ARHGEF28: variants seen among roughly 807,000 people sequenced by gnomAD.
The protein encoded by ARHGEF28 is 190 kDa guanine nucleotide exchange factor.
ARHGEF28 carries 152 observed loss-of-function variants against 206.6 expected under a neutral mutation model. The ratio of observed to expected loss-of-function variants is 0.74; its 90% CI spans 0.64 to 0.84. The LOEUF is 0.84. Ranked by LOEUF, ARHGEF28 falls within the 40% of genes least tolerant of loss-of-function variation. The pLI, the probability that ARHGEF28 is intolerant of heterozygous loss-of-function variation, is 0.00. For synonymous variants in ARHGEF28, 763 were observed against 776.4 expected, an observed-to-expected ratio of 0.98 and a Z score of 0.29; for missense variants, 2,028 against 2,073.2, an observed-to-expected ratio of 0.98 and a Z score of 0.42.
At chr5:73,918,819 G>A (rs1482542689) in intron 35 of ARHGEF28, among the ~76,000 whole-genome samples, 1 of 152,162 alleles carries the variant, frequency 6.6e-6, no homozygotes, top group Non-Finnish European at 1.5e-5. Context: ...CTATGCATCA[G>A]AGTTTGCTGT....
chr5:73,848,909 G>T lies in ARHGEF28; in HGVS notation c.1636-67G>T, dbSNP rs137977421. 39 of 1,122,236 alleles carry T rather than the reference G, an allele frequency of 3.5e-5. No individual in the cohort carries two copies. In the Middle Eastern group the frequency reaches 6.0e-4, roughly 17 times the overall value. 69.5% of individuals were successfully genotyped at this position (1,122,236 alleles called of 1,614,324 possible). On this transcript the variant is annotated intron_variant, in intron 12 of 35. Transcript: ENST00000513042. ...CAAAGGTGCAAATTTAGTAACATTT[G>T]AGGTGGTGAATATATATTTTCAGAC...
intron 21 of ARHGEF28, 82 bp downstream of exon 21, chr5:73,870,291 G>A: frequency 6.9e-7 from 1 of 1,442,742 alleles, no homozygotes; most frequent in Non-Finnish European, 9.2e-7. Context: ...GTGCAGAGTT[G>A]GGTAAAATCC....
intron 1 of ARHGEF28, among the ~76,000 whole-genome samples, chr5:73,675,819 G>A (rs1746631617): frequency 6.6e-6 from 1 of 151,118 alleles, no homozygotes; most frequent in African/African-American, 2.4e-5. Context: ...ATAGGATCAT[G>A]GTTAGTGGTA....
At chr5:73,861,219 A>G (rs1475108539) in intron 16 of ARHGEF28, among the ~76,000 whole-genome samples, 1 of 152,210 alleles carries the variant, frequency 6.6e-6, no homozygotes. Context: ...GCCAGGGCTC[A>G]CTGAAAGGGA....
At chr5:73,859,390 G>A (rs1759249978) in intron 16 of ARHGEF28, among the ~76,000 whole-genome samples, 1 of 152,210 alleles carries the variant, frequency 6.6e-6, no homozygotes, top group African/African-American at 2.4e-5. Flanking sequence ...GAACAGAGGA[G>A]CAGGGGAAGT....
At chr5:73,811,745 G>A (rs1045792338) in intron 9 of ARHGEF28, among the ~76,000 whole-genome samples, 1 of 152,186 alleles carries the variant, frequency 6.6e-6, no homozygotes, top group African/African-American at 2.4e-5. Flanking sequence ...CACTTTGGGA[G>A]GCCAAGGTGG....
chr5:73,635,163 G>C (rs1482993301), intron 1 of ARHGEF28, among the ~76,000 whole-genome samples: 1 of 152,122 alleles, frequency 6.6e-6, no homozygotes, highest in Non-Finnish European at 1.5e-5. Context: ...GACCAACATG[G>C]ATAAACCCCG....
chr5:73,928,427 A>G (rs967387881), intron 35 of ARHGEF28, among the ~76,000 whole-genome samples: 5 of 152,186 alleles, frequency 3.3e-5, no homozygotes, highest in African/African-American at 7.2e-5. Context: ...AAAAACAACA[A>G]CAGCAAAAAA....
chr5:73,654,747 A>T (rs1407468866), intron 1 of ARHGEF28, among the ~76,000 whole-genome samples: 1 of 152,152 alleles, frequency 6.6e-6, no homozygotes, highest in African/African-American at 2.4e-5. Context: ...CCAGATACAG[A>T]TTCATCATGG....
intron 26 of ARHGEF28, among the ~76,000 whole-genome samples, chr5:73,890,781 A>C (rs1338909248): frequency 1.3e-5 from 2 of 152,220 alleles, no homozygotes; most frequent in African/African-American, 4.8e-5. Flanking sequence ...AAAACCACAC[A>C]CTGCAACCAG....
chr5:73,884,170 A>G (rs1388762629), intron 24 of ARHGEF28, among the ~76,000 whole-genome samples: 5 of 152,072 alleles, frequency 3.3e-5, no homozygotes, highest in African/African-American at 1.2e-4. Flanking sequence ...GGGCTTTCTT[A>G]ATACCTCCTC....
chr5:73,677,566 C>A (rs1746784473), intron 1 of ARHGEF28, among the ~76,000 whole-genome samples: 1 of 152,172 alleles, frequency 6.6e-6, no homozygotes, highest in Non-Finnish European at 1.5e-5. Flanking sequence ...GTTATATTTA[C>A]TTTCCTCTTT....
chr5:73,648,367 C>T (rs760905743), intron 1 of ARHGEF28, among the ~76,000 whole-genome samples: 9 of 152,054 alleles, frequency 5.9e-5, no homozygotes, highest in Non-Finnish European at 1.3e-4. Flanking sequence ...TATGTGGAAC[C>T]CTTATACTGT....
At chr5:73,862,499 C>T (rs1759457738) in intron 16 of ARHGEF28, among the ~76,000 whole-genome samples, 4 of 152,034 alleles carry the variant, frequency 2.6e-5, no homozygotes, top group Admixed American at 2.6e-4. Flanking sequence ...TTTTATAGGT[C>T]CTTGCTCTTT....
chr5:73,849,169 C>A, intron 13 of ARHGEF28, 82 bp downstream of exon 13: 1 of 980,394 alleles, frequency 1.0e-6, no homozygotes, highest in Non-Finnish European at 1.5e-6. Flanking sequence ...ATAAAATATT[C>A]AAGAACAGCA....
intron 12 of ARHGEF28, 95 bp from the exon 13 acceptor site, chr5:73,848,879 CTT>C: frequency 1.2e-6 from 1 of 860,140 alleles, no homozygotes; most frequent in Non-Finnish European, 1.8e-6. Context: ...GGTTGAATCT[CTT>C]TTCAAAGGTG....
chr5:73,846,841 G>A (rs1233058796), intron 12 of ARHGEF28, among the ~76,000 whole-genome samples: 4 of 152,118 alleles, frequency 2.6e-5, no homozygotes, highest in Admixed American at 6.6e-5. Context: ...TTTTGCTCAC[G>A]TAAATAATTG....
intron 9 of ARHGEF28, among the ~76,000 whole-genome samples, chr5:73,812,466 TA>T (rs1277240615): frequency 1.3e-5 from 2 of 152,242 alleles, no homozygotes; most frequent in African/African-American, 4.8e-5. Flanking sequence ...TTGTTTCTAC[TA>T]AAAGAAATGC....
At chr5:73,837,740 G>A (rs1240840919) in intron 10 of ARHGEF28, among the ~76,000 whole-genome samples, 4 of 138,886 alleles carry the variant, frequency 2.9e-5, no homozygotes, top group Middle Eastern at 3.8e-3. Flanking sequence ...TCTTTCTTTC[G>A]TTTTGTTTTT....
Sources: allele counts gnomAD v4.1 joint callset (sites outside exome capture counted in the v4.1 genomes callset), GRCh38; gene constraint gnomAD v4.1.1; transcripts MANE v1.5; gene names NCBI Gene and HGNC (gene_info 2026-07-23, HGNC 2026-07-21).